ITGAV: variants seen among roughly 807,000 people sequenced by gnomAD.
The protein encoded by ITGAV is integrin alpha-V.
Under a neutral mutation model 143.8 loss-of-function variants are expected in ITGAV, and 76 were observed. That is an observed-to-expected ratio of 0.53 (90% CI 0.44 to 0.64). The LOEUF is 0.64. Among genes scored for constraint, ITGAV ranks in the 30% least tolerant of loss-of-function variants. The probability of loss-of-function intolerance (pLI) is 0.00; values close to 1 mark genes in which losing one functional copy is unlikely to be tolerated. For synonymous variants in ITGAV, 453 were observed against 446.7 expected (o/e 1.01, Z -0.18); for missense variants, 1,193 against 1,274.7 (o/e 0.94, Z 0.98).
chr2:186,665,050 A>G (rs950108266), intron 20 of ITGAV, 76 bp from the exon 21 acceptor site: 27 of 977,156 alleles, frequency 2.8e-5, no homozygotes, highest in Non-Finnish European at 4.2e-5. Context: ...TTAGGACAAG[A>G]AACTGAAATA....
intron 17 of ITGAV, among the ~76,000 whole-genome samples, chr2:186,656,918 G>A (rs868103057): frequency 1.3e-5 from 2 of 151,946 alleles, no homozygotes; most frequent in Admixed American, 6.6e-5. Flanking sequence ...AAACCTTGCT[G>A]AAGGGGAGCA....
intron 1 of ITGAV, among the ~76,000 whole-genome samples, chr2:186,593,117 A>T (rs1191600372): frequency 6.6e-6 from 1 of 152,206 alleles, no homozygotes; most frequent in African/African-American, 2.4e-5. Flanking sequence ...TTGTCAATTC[A>T]AGAGCGCCTT....
chr2:186,666,674 A>G (rs552232706), intron 21 of ITGAV, 30 bp from the exon 22 acceptor site: 3 of 1,339,048 alleles, frequency 2.2e-6, no homozygotes, highest in East Asian at 2.5e-5. Context: ...GACATTGACT[A>G]GCATTACTAT....
intron 1 of ITGAV, among the ~76,000 whole-genome samples, chr2:186,593,762 G>A (rs576214495): frequency 2.2e-5 from 3 of 137,688 alleles, no homozygotes; most frequent in African/African-American, 7.9e-5. Flanking sequence ...ACCGTTTGCA[G>A]TCTAGTTATT....
chr2:186,665,308 A>C (rs958806215), intron 21 of ITGAV, 90 bp downstream of exon 21: 2 of 797,064 alleles, frequency 2.5e-6, no homozygotes, highest in Admixed American at 2.2e-5. Flanking sequence ...AAAAATAAAC[A>C]CTTCAAAACA....
intron 12 of ITGAV, among the ~76,000 whole-genome samples, chr2:186,644,182 G>C (rs147523536): frequency 2.0e-5 from 3 of 152,228 alleles, no homozygotes; most frequent in African/African-American, 7.2e-5. Context: ...GGGCTTAAGT[G>C]ATCTGCCTGC....
chr2:186,663,844 T>C lies in ITGAV; in HGVS notation c.1925+9T>C. 6.3e-7 allele frequency: 1 copy of C among 1,587,396 alleles called. No individual in the cohort carries two copies. On this transcript the variant is annotated intron_variant, in intron 19 of 29. Transcript: ENST00000261023. ...GAAGTTTCTGTAGATAGGTAAGTTT[T>C]GCTTGAAATAATAATGTAGTAAGAA...
intron 26 of ITGAV, among the ~76,000 whole-genome samples, chr2:186,674,423 T>C (rs570402860): frequency 2.6e-5 from 4 of 152,318 alleles, no homozygotes; most frequent in African/African-American, 9.6e-5. Flanking sequence ...TAGTTTTAAT[T>C]TGGATTATTT....
chr2:186,671,828 T>C (rs1689069860), intron 26 of ITGAV, among the ~76,000 whole-genome samples: 1 of 152,154 alleles, frequency 6.6e-6, no homozygotes, highest in Non-Finnish European at 1.5e-5. Flanking sequence ...TTCCTACTGA[T>C]TTGCCTATTC....
At chr2:186,638,592 T>C in intron 10 of ITGAV, 127 bp downstream of exon 10, 2 of 705,420 alleles carry the variant, frequency 2.8e-6, no homozygotes, top group East Asian at 2.6e-5. Flanking sequence ...CTTCCAACTC[T>C]TACCATTTTG....
At chr2:186,634,851 T>A (rs1177380099) in intron 6 of ITGAV, among the ~76,000 whole-genome samples, 1 of 152,182 alleles carries the variant, frequency 6.6e-6, no homozygotes, top group East Asian at 1.9e-4. Context: ...GCTGATTATG[T>A]CATTCAGTGG....
rs61764167 is a variant in ITGAV at position 186,671,088 on chromosome 2, A to C, written c.2706+1274A>C. Among the ~76,000 whole-genome samples, 602 of 151,924 alleles carry C rather than the reference A, an allele frequency of 4.0e-3. 5 individuals are homozygous for C. Among genetic ancestry groups the C allele is most frequent in the African/African-American group, 0.013 (557 of 41,398 alleles). ...CCAGTTTCATCACTAACACAACCTAACCCAGGCTCCTTTCCCTTCTCGATT... is the reference window on the plus strand; with the variant it reads ...CCAGTTTCATCACTAACACAACCTACCCCAGGCTCCTTTCCCTTCTCGATT... On this transcript the variant is annotated intron_variant, in intron 26 of 29. Transcript: ENST00000261023.
chr2:186,630,932 T>G, intron 5 of ITGAV, 74 bp downstream of exon 5: 1 of 727,458 alleles, frequency 1.4e-6, no homozygotes, highest in Non-Finnish European at 2.4e-6. Flanking sequence ...AATAAACTGG[T>G]CAATACCTCA....
intron 2 of ITGAV, among the ~76,000 whole-genome samples, chr2:186,620,476 A>G (rs1255842109): frequency 1.3e-5 from 2 of 152,086 alleles, no homozygotes; most frequent in Non-Finnish European, 2.9e-5. Context: ...AAAAATAAGT[A>G]TATCAGCCAG....
chr2:186,600,959 CAA>C (rs556490103), intron 1 of ITGAV, among the ~76,000 whole-genome samples: 18 of 92,964 alleles, frequency 1.9e-4, no homozygotes, highest in East Asian at 3.2e-4. Context: ...GACTCTGTCT[CAA>C]AAAAAAAAAA....
In ITGAV at chr2:186,677,052, T is replaced by A; in HGVS notation, c.3051+117T>A. The A allele has an allele frequency of 4.1e-6, 5 of 1,217,420 alleles. No homozygotes were observed. In the South Asian group the frequency reaches 6.6e-5, roughly 16 times the overall value. 75.4% of individuals were successfully genotyped at this position (1,217,420 alleles called of 1,614,324 possible). A position where few individuals can be genotyped will look rare whatever the true frequency, so the allele number is the denominator to read the frequency against. On this transcript the variant is annotated intron_variant, in intron 29 of 29. Transcript: ENST00000261023. ...AGAAAGGGACTGTAATGATGATACT[T>A]GATGAGCATTACTTATTATATGAGG...
At chr2:186,643,078 C>A (rs527494689) in intron 12 of ITGAV, among the ~76,000 whole-genome samples, 40 of 152,294 alleles carry the variant, frequency 2.6e-4, no homozygotes, top group African/African-American at 7.7e-4. Context: ...TTAATGAATT[C>A]TTTGCTATGT....
intron 4 of ITGAV, among the ~76,000 whole-genome samples, chr2:186,630,289 T>C (rs1441124770): frequency 6.6e-6 from 1 of 151,974 alleles, no homozygotes; most frequent in Non-Finnish European, 1.5e-5. Flanking sequence ...TATTGGAATT[T>C]TTAACTTGCA....
At chr2:186,656,211 AG>A in intron 16 of ITGAV, 35 bp from the exon 17 acceptor site, 1 of 1,510,790 alleles carries the variant, frequency 6.6e-7, no homozygotes, top group Non-Finnish European at 8.9e-7. Context: ...ATGTCCATAA[AG>A]AATATGTTGG....
Sources: allele counts gnomAD v4.1 joint callset (sites outside exome capture counted in the v4.1 genomes callset), GRCh38; gene constraint gnomAD v4.1.1; transcripts MANE v1.5; gene names NCBI Gene and HGNC (gene_info 2026-07-23, HGNC 2026-07-21).